Variants in MICAL2 observed in about 807,000 individuals in gnomAD.
MICAL2 encodes the protein [F-actin]-monooxygenase MICAL2.
MICAL2 carries 77 observed loss-of-function variants against 127.3 expected under a neutral mutation model. That is an observed-to-expected ratio of 0.60 (90% CI 0.50 to 0.73). The LOEUF is 0.73. Ranked by LOEUF, MICAL2 falls within the 30% of genes least tolerant of loss-of-function variation. The pLI is 0.00. For synonymous variants in MICAL2, 570 were observed against 551.1 expected (o/e 1.03, Z -0.48); for missense variants, 1,351 against 1,434.4 (o/e 0.94, Z 0.94).
At chr11:12,122,204 G>A (rs1013873521) in intron 1 of MICAL2, among the ~76,000 whole-genome samples, 9 of 152,166 alleles carry the variant, frequency 5.9e-5, no homozygotes, top group Non-Finnish European at 8.8e-5. Context: ...CTTACCTCAC[G>A]GGGAGGTTGT....
intron 2 of MICAL2, among the ~76,000 whole-genome samples, chr11:12,152,936 T>C (rs1039578585): frequency 1.3e-5 from 2 of 151,870 alleles, no homozygotes; most frequent in African/African-American, 2.4e-5. Context: ...GTGGTGATGG[T>C]GGTAGTGGTG....
At chr11:12,219,889 A>G (rs546266339) in intron 8 of MICAL2, among the ~76,000 whole-genome samples, 16 of 152,306 alleles carry the variant, frequency 1.1e-4, no homozygotes, top group African/African-American at 3.6e-4. Context: ...AATGCCAGGG[A>G]AAAATTGCCT....
intron 32 of MICAL2, among the ~76,000 whole-genome samples, chr11:12,339,547 T>G (rs1348952198): frequency 1.3e-5 from 2 of 152,214 alleles, no homozygotes; most frequent in Non-Finnish European, 2.9e-5. Context: ...TTCCAGTTTT[T>G]CTGCTCTGTT....
chr11:12,322,683 T>A (rs575530674), intron 30 of MICAL2, among the ~76,000 whole-genome samples: 1 of 152,166 alleles, frequency 6.6e-6, no homozygotes, highest in African/African-American at 2.4e-5. Context: ...AATAGCCCAA[T>A]TTGAACATTT....
At chr11:12,284,977 A>G (rs975946034) in intron 2 of MICAL2, among the ~76,000 whole-genome samples, 2 of 152,248 alleles carry the variant, frequency 1.3e-5, no homozygotes, top group African/African-American at 2.4e-5. Context: ...GCGATAGAAA[A>G]AGAGTTTAAT....
chr11:12,165,732 G>A (rs2133833055), intron 3 of MICAL2, among the ~76,000 whole-genome samples: 1 of 152,370 alleles, frequency 6.6e-6, no homozygotes, highest in South Asian at 2.1e-4. Context: ...ACACGTGCGT[G>A]TGACAGTGGT....
At chr11:12,235,143 C>A (rs1590532431) in intron 15 of MICAL2, among the ~76,000 whole-genome samples, 1 of 152,040 alleles carries the variant, frequency 6.6e-6, no homozygotes, top group African/African-American at 2.4e-5. Flanking sequence ...GATGGGGGAG[C>A]CTAGGTGGAC....
In MICAL2 at chr11:12,242,362, C is replaced by A. The variant is rs1257433151; in HGVS notation, c.2486C>A (p.Thr829Asn). The A allele has an allele frequency of 1.2e-6, 2 of 1,614,092 alleles. No homozygotes were observed. The highest frequency in any genetic ancestry group is 1.7e-6 in the Non-Finnish European group (2 of 1,179,960). ...GTENFATLPS[T>N]RPRAQALSGV... ...GAAAATTTCGCTACCCTGCCTTCTA[C>A]CCGCCCGAGGGCGCAGGCTCTTTCC... The change falls in exon 19 of 28, where the codon ACC becomes AAC. Residue 829 changes from threonine (T) to asparagine (N), a missense_variant. Transcript: ENST00000683283.
intron 30 of MICAL2, among the ~76,000 whole-genome samples, chr11:12,323,588 T>C (rs1197176365): frequency 6.6e-6 from 1 of 151,822 alleles, no homozygotes; most frequent in Non-Finnish European, 1.5e-5. Flanking sequence ...AGTATTCTAT[T>C]ATAGCAATTC....
intron 29 of MICAL2, among the ~76,000 whole-genome samples, chr11:12,304,651 C>CATACACAA (rs200568927): frequency 1.4e-5 from 2 of 143,812 alleles, no homozygotes; most frequent in Admixed American, 7.0e-5. Flanking sequence ...CACACACACA[C>CATACACAA]ACACACACAC....
intron 1 of MICAL2, among the ~76,000 whole-genome samples, chr11:12,118,123 A>C (rs1051321266): frequency 1.3e-5 from 2 of 152,162 alleles, no homozygotes; most frequent in African/African-American, 4.8e-5. Flanking sequence ...ATGACCTAGA[A>C]GGTCTTGCTT....
chr11:12,156,013 C>G (rs1854150433), intron 2 of MICAL2, among the ~76,000 whole-genome samples: 1 of 152,208 alleles, frequency 6.6e-6, no homozygotes, highest in African/African-American at 2.4e-5. Flanking sequence ...GTGGAGTCTA[C>G]TAACTATTGA....
At chr11:12,260,585 A>G in intron 26 of MICAL2, 1 of 991,996 alleles carries the variant, frequency 1.0e-6, no homozygotes, top group Non-Finnish European at 1.2e-6. Context: ...TTAAGATTTT[A>G]CACGCATGAA....
At chr11:12,278,327 C>A (rs757882957) in intron 1 of MICAL2, among the ~76,000 whole-genome samples, 1 of 152,200 alleles carries the variant, frequency 6.6e-6, no homozygotes, top group Non-Finnish European at 1.5e-5. Flanking sequence ...TACCCTTATT[C>A]TATAAGCTTT....
intron 30 of MICAL2, among the ~76,000 whole-genome samples, chr11:12,321,421 G>A (rs1319912908): frequency 6.6e-6 from 1 of 152,130 alleles, no homozygotes; most frequent in Non-Finnish European, 1.5e-5. Flanking sequence ...AGGAAACGAG[G>A]CAGGATGTGT....
At chr11:12,240,674 A>C (rs1022849283) in intron 17 of MICAL2, among the ~76,000 whole-genome samples, 1 of 152,220 alleles carries the variant, frequency 6.6e-6, no homozygotes, top group Non-Finnish European at 1.5e-5. Flanking sequence ...AGTGGGCAGG[A>C]AGCTTTTCTG....
chr11:12,286,739 G>A (rs928952296), intron 2 of MICAL2, among the ~76,000 whole-genome samples: 7 of 152,166 alleles, frequency 4.6e-5, no homozygotes, highest in Admixed American at 3.3e-4. Context: ...TCTGCGTGTC[G>A]TGGTGCATGC....
intron 3 of MICAL2, among the ~76,000 whole-genome samples, chr11:12,168,866 G>A (rs1855874189): frequency 6.7e-6 from 1 of 149,848 alleles, no homozygotes; most frequent in Admixed American, 6.7e-5. Flanking sequence ...AGGATCGCTT[G>A]AGCCCAGGAG....
chr11:12,227,203 C>T (rs1046003455), intron 15 of MICAL2, 72 bp downstream of exon 15: 5 of 1,106,176 alleles, frequency 4.5e-6, no homozygotes, highest in Non-Finnish European at 6.8e-6. Context: ...GAGATTGTCA[C>T]ATTCTCAGCC....
Sources: gnomAD v4.1 joint callset for allele counts (sites outside exome capture counted in the v4.1 genomes callset) on GRCh38, gnomAD v4.1.1 for gene constraint, MANE v1.5 for transcripts, NCBI Gene and HGNC (gene_info 2026-07-23, HGNC 2026-07-21) for gene names.